The following SSC5D variants were observed in gnomAD, a reference collection of about 807,000 sequenced individuals.
SSC5D encodes the protein scavenger receptor cysteine rich family member with 5 domains, also known as soluble scavenger receptor cysteine-rich domain-containing protein SSC5D.
A neutral mutation model predicts 104.6 loss-of-function variants in SSC5D; 106 were observed. That is an observed-to-expected ratio of 1.01 (90% CI 0.87 to 1.19). The LOEUF (loss-of-function observed/expected upper bound fraction) is 1.19. Ranked by LOEUF, SSC5D falls within the 50% of genes most tolerant of loss-of-function variation. The pLI, the probability that SSC5D is intolerant of heterozygous loss-of-function variation, is 0.00. For missense variants in SSC5D, 1,993 were observed against 2,153.8 expected, an observed-to-expected ratio of 0.93 and a Z score of 1.48; for synonymous variants, 860 against 883.5, an observed-to-expected ratio of 0.97 and a Z score of 0.47.
chr19:55,500,683 G>T lies in SSC5D; in HGVS notation c.2496G>T (p.Gly832=). 1.3e-6 allele frequency: 2 copies of T among 1,551,718 alleles called. No homozygotes were observed. The highest frequency in any genetic ancestry group is 1.7e-6 in the Non-Finnish European group (2 of 1,147,008). ...AAACCCATTACGGCCCTGGGACTGG[G>T]CCCATCTGGCTGGATGACATGGGCT... The part of the protein sequence containing the change: ...VGKTHYGPGT[G]PIWLDDMGCK... The change falls in exon 11 of 14, where the codon GGG becomes GGT. Residue 832 remains glycine, a synonymous_variant. Transcript: ENST00000389623. The surrounding 1 kb of genome is among the most constrained non-coding windows in gnomAD (Gnocchi z 4.6).
At chr19:55,495,233 A>ATATTTT (rs1555765051) in intron 8 of SSC5D, among the ~76,000 whole-genome samples, 1 of 50,664 alleles carries the variant, frequency 2.0e-5, no homozygotes, top group Non-Finnish European at 3.2e-5. Context: ...ATATATATAT[A>ATATTTT]TTTTTTTTTT....
chr19:55,500,786 G>A lies in SSC5D; in HGVS notation c.2599G>A (p.Val867Met), dbSNP rs748135422. 6.1e-5 allele frequency: 94 copies of A among 1,550,264 alleles called. No individual in the cohort carries two copies. The highest frequency in any genetic ancestry group is 7.8e-5 in the Non-Finnish European group (89 of 1,146,046). ...GKHNCDHEED[V>M]GLTCTGYTDY... ...GCACAACTGTGACCACGAGGAAGAC[G>A]TGGGGCTCACCTGCACTGGTACCAG... Residue 867 changes from valine to methionine, a missense_variant, in exon 11 of 14, where the codon GTG (valine) becomes ATG (methionine). Physicochemically the swap from Val to Met is conservative, Grantham distance 21. Around this residue, in one of 6 missense-constraint regions of SSC5D, gnomAD observed 423 missense variants for 409.2 expected, o/e 1.03. Transcript: ENST00000389623. This position sits in a 1 kb window ranked among gnomAD's most constrained non-coding sequence, Gnocchi z 4.6.
At chr19:55,502,462 G>A (rs1272849911) in intron 12 of SSC5D, among the ~76,000 whole-genome samples, 1 of 150,368 alleles carries the variant, frequency 6.7e-6, no homozygotes, top group Non-Finnish European at 1.5e-5. Context: ...TCCAGTTTTC[G>A]TGGTCAGTTT....
intron 1 of SSC5D, 40 bp downstream of exon 1, chr19:55,488,654 G>GC: frequency 2.0e-6 from 3 of 1,535,202 alleles, no homozygotes; most frequent in Non-Finnish European, 2.6e-6. Context: ...GGGGGCCTAG[G>GC]CCCCCACCTC....
intron 13 of SSC5D, among the ~76,000 whole-genome samples, chr19:55,514,045 G>T (rs1433139376): frequency 1.3e-5 from 2 of 152,132 alleles, no homozygotes; most frequent in African/African-American, 4.8e-5. Flanking sequence ...GTGAGGATGT[G>T]GGAAGACAGG....
intron 13 of SSC5D, among the ~76,000 whole-genome samples, chr19:55,516,410 T>C (rs1987871405): frequency 6.6e-6 from 1 of 151,022 alleles, no homozygotes; most frequent in Non-Finnish European, 1.5e-5. Flanking sequence ...GGCAGGAGAA[T>C]GGTGTGAACC....
In SSC5D at chr19:55,503,572, CCTCGCCGCT is replaced by C. The variant is rs534538471; in HGVS notation, c.2785+2373_2785+2381del. 1.5e-3 allele frequency among the ~76,000 whole-genome samples: 232 copies of C among 152,274 alleles called. No homozygotes were observed. Among genetic ancestry groups the C allele is most frequent in the African/African-American group, 5.4e-3 (224 of 41,552 alleles). ...GTCCGTTTCTCACCGTCCCCGCCGCCCTCGCCGCTCCCTCACGGGAGGTTTCACTCCCCA... is the reference window on the plus strand; with the variant it reads ...GTCCGTTTCTCACCGTCCCCGCCGCCCCCTCACGGGAGGTTTCACTCCCCA... On this transcript the variant is annotated intron_variant, in intron 12 of 13. Transcript: ENST00000389623. This position sits in a 1 kb window ranked among gnomAD's most constrained non-coding sequence, Gnocchi z 4.0.
chr19:55,510,622 C>T (rs1009646768), intron 12 of SSC5D, among the ~76,000 whole-genome samples: 1 of 152,204 alleles, frequency 6.6e-6, no homozygotes, highest in Non-Finnish European at 1.5e-5. Context: ...GCTGGGATTA[C>T]AGGCGTGAGC....
Position 55,500,213 on chromosome 19 carries a change from C to A in SSC5D, c.2103C>A (p.Thr701=). The A allele has an allele frequency of 6.4e-7, 1 of 1,551,336 alleles. No homozygotes were observed. The highest frequency in any genetic ancestry group is 8.7e-7 in the Non-Finnish European group (1 of 1,146,924). Residue 701 remains threonine, a synonymous_variant, in exon 10 of 14, where the codon ACC becomes ACA. Coordinates refer to ENST00000389623, the MANE Select transcript of SSC5D (RefSeq NM_001144950.2). The surrounding 1 kb of genome is among the most constrained non-coding windows in gnomAD (Gnocchi z 4.6). ...CCTCTCACACCACTGCCACGCTGAC[C>A]CCTCAGGCCCCCCGAGAACGGACCA... ...RWTSHTTATL[T]PQAPRERTTK...
chr19:55,507,098 G>T (rs537767138), intron 12 of SSC5D, among the ~76,000 whole-genome samples: 77 of 152,014 alleles, frequency 5.1e-4, no homozygotes, highest in African/African-American at 1.8e-3. Flanking sequence ...GAACCTGGGA[G>T]GCGGAGGCCA....
intron 13 of SSC5D, among the ~76,000 whole-genome samples, chr19:55,514,265 CG>C (rs1309599029): frequency 6.6e-6 from 1 of 151,654 alleles, no homozygotes; most frequent in African/African-American, 2.4e-5. Flanking sequence ...ATTAGCCAGG[CG>C]TGGTGGTAGG....
chr19:55,514,623 GAGA>G (rs1182161935), intron 13 of SSC5D, among the ~76,000 whole-genome samples: 5 of 150,322 alleles, frequency 3.3e-5, no homozygotes, highest in Non-Finnish European at 5.9e-5. Flanking sequence ...AAGAGAGAGA[GAGA>G]AGAAGGGAGG....
intron 12 of SSC5D, among the ~76,000 whole-genome samples, chr19:55,507,602 G>C (rs35626517): frequency 0.64 from 93,733 of 146,186 alleles, 31,638 homozygotes; most frequent in South Asian, 0.79. Context: ...GGAGGCGGAG[G>C]TTGCAGTGAG....
At position 55,503,856 on chromosome 19, in the gene SSC5D, C is replaced by T. The variant is rs1009959806; in HGVS notation, c.2785+2655C>T. Among the ~76,000 whole-genome samples, 46 of 152,108 alleles carry T rather than the reference C, an allele frequency of 3.0e-4. No homozygotes were observed. The highest frequency in any genetic ancestry group is 1.0e-4 in the Non-Finnish European group (7 of 68,020). ...GGCGCTCAGCACGCATGCGCAGGCGCGGTGGGCCCGGGAATGGAGGGACGG... is the reference window on the plus strand; with the variant it reads ...GGCGCTCAGCACGCATGCGCAGGCGTGGTGGGCCCGGGAATGGAGGGACGG... On this transcript the variant is annotated intron_variant, in intron 12 of 13. Transcript: ENST00000389623. The surrounding 1 kb of genome is among the most constrained non-coding windows in gnomAD (Gnocchi z 4.0).
chr19:55,491,281 CAGGCTTG>C (rs1987136956), intron 6 of SSC5D: 1 of 641,580 alleles, frequency 1.6e-6, no homozygotes, highest in Non-Finnish European at 2.6e-6. Flanking sequence ...ATGGGAGGAG[CAGGCTTG>C]AGGCTTGGGC....
At position 55,494,658 on chromosome 19, in the gene SSC5D, A is replaced by ACTCCACGCC; in HGVS notation, c.1264_1272dup (p.Ser422_Pro424dup). 1 of 1,541,922 alleles carries ACTCCACGCC rather than the reference A, an allele frequency of 6.5e-7. No individual in the cohort carries two copies. On this transcript the variant is annotated inframe_insertion, in exon 8 of 14. Coordinates refer to ENST00000389623, the MANE Select transcript of SSC5D (RefSeq NM_001144950.2). ...CCCACGGCCCCCACGGACAGCAACAACTCCACGCCCAGGGAGGCTGCCTCC... is the reference window on the plus strand; with the variant it reads ...CCCACGGCCCCCACGGACAGCAACAACTCCACGCCCTCCACGCCCAGGGAGGCTGCCTCC...
At chr19:55,502,652 T>C (rs1213455573) in intron 12 of SSC5D, among the ~76,000 whole-genome samples, 1 of 152,124 alleles carries the variant, frequency 6.6e-6, no homozygotes, top group Non-Finnish European at 1.5e-5. Flanking sequence ...TTTTTCATGG[T>C]AAATTTCTCT....
intron 12 of SSC5D, among the ~76,000 whole-genome samples, chr19:55,511,695 G>A (rs544756740): frequency 4.6e-5 from 7 of 152,294 alleles, no homozygotes; most frequent in African/African-American, 1.7e-4. Flanking sequence ...TCCAGCGTGA[G>A]CAGAGCATCG....
At chr19:55,497,065 G>A (rs1987344496) in intron 8 of SSC5D, among the ~76,000 whole-genome samples, 1 of 152,314 alleles carries the variant, frequency 6.6e-6, no homozygotes, top group East Asian at 1.9e-4. Flanking sequence ...CGGGCCTGCT[G>A]CTCCCTGTCT....
Sources: allele counts gnomAD v4.1 joint callset (sites outside exome capture counted in the v4.1 genomes callset), GRCh38; gene constraint gnomAD v4.1.1; regional missense constraint gnomAD v4.1.1; non-coding constraint Gnocchi (gnomAD v3.1); transcripts MANE v1.5; gene names NCBI Gene and HGNC (gene_info 2026-07-23, HGNC 2026-07-21).